Variants in TBX15 observed in about 807,000 individuals in gnomAD.
TBX15 encodes the protein T-box transcription factor TBX15.
A neutral mutation model predicts 53.9 loss-of-function variants in TBX15; 18 were observed. The observed-to-expected ratio is 0.33, with a 90% CI of 0.23 to 0.49. TBX15 has a LOEUF of 0.49. TBX15 is among the 20% of genes least tolerant of loss of function. TBX15 has a pLI of 0.98. For missense variants in TBX15, 692 were observed against 749.5 expected (o/e 0.92, Z 0.90); for synonymous variants, 295 against 278.0 (o/e 1.06, Z -0.61).
intron 3 of TBX15, 151 bp from the exon 4 acceptor site, chr1:118,924,968 G>A (rs1655545958): frequency 1.2e-6 from 1 of 833,328 alleles, no homozygotes; most frequent in Non-Finnish European, 1.9e-6. Flanking sequence ...ACTCAAAGGA[G>A]GAAAAGAGAA....
chr1:118,944,585 CTG>C (rs1656285276), intron 1 of TBX15, among the ~76,000 whole-genome samples: 1 of 152,214 alleles, frequency 6.6e-6, no homozygotes, highest in Non-Finnish European at 1.5e-5. Context: ...TGTTGAGTGT[CTG>C]TTGCCTTCTG....
At chr1:118,932,328 G>A (rs541404194) in intron 1 of TBX15, among the ~76,000 whole-genome samples, 6 of 152,278 alleles carry the variant, frequency 3.9e-5, no homozygotes, top group Non-Finnish European at 8.8e-5. Flanking sequence ...TTTAAACACA[G>A]AAATTTTTCC....
At chr1:118,888,250 C>A (rs1224957893) in intron 7 of TBX15, among the ~76,000 whole-genome samples, 1 of 152,186 alleles carries the variant, frequency 6.6e-6, no homozygotes, top group African/African-American at 2.4e-5. Flanking sequence ...CCTCTTCATT[C>A]TCATTAGCTG....
chr1:118,884,206 ATC>A lies in TBX15; in HGVS notation c.*524_*525del. 6.1e-6 allele frequency: 1 copy of A among 163,932 alleles called. No homozygotes were observed. 10.2% of individuals were successfully genotyped at this position (163,932 alleles called of 1,614,324 possible). A position where few individuals can be genotyped will look rare whatever the true frequency, so the allele number is the denominator to read the frequency against. On this transcript the variant is annotated 3_prime_UTR_variant, in exon 8 of 8. Coordinates refer to ENST00000369429, the MANE Select transcript of TBX15 (RefSeq NM_001330677.2). The stretch of plus-strand genomic sequence containing the variant: ...CTGGCAGCTACTGCTGGCCCACTCC[ATC>A]TAGAGTTGTACACAGACAAATTCTT...
chr1:118,989,044 C>A (rs1282672083), upstream of TBX15, among the ~76,000 whole-genome samples: 1 of 152,218 alleles, frequency 6.6e-6, no homozygotes, highest in Admixed American at 6.5e-5. Context: ...TCCAGCTGGG[C>A]CCCCTCACGC....
At chr1:118,957,048 G>A (rs1656716446) in intron 1 of TBX15, among the ~76,000 whole-genome samples, 1 of 151,992 alleles carries the variant, frequency 6.6e-6, no homozygotes, top group South Asian at 2.1e-4. Flanking sequence ...CAAAGCTGAA[G>A]ATTCCGAATG....
At chr1:118,924,139 G>T (rs1474857812) in intron 4 of TBX15, among the ~76,000 whole-genome samples, 1 of 152,156 alleles carries the variant, frequency 6.6e-6, no homozygotes, top group East Asian at 1.9e-4. Flanking sequence ...CCCAGTATGG[G>T]TCCTGCCATT....
chr1:118,885,461 CG>C lies in TBX15; in HGVS notation c.1079del (p.Ser360TrpfsTer35). 1 of 1,607,918 alleles carries C rather than the reference CG, an allele frequency of 6.2e-7. No individual in the cohort carries two copies. The highest frequency in any genetic ancestry group is 8.5e-7 in the Non-Finnish European group (1 of 1,176,730). On this transcript the variant is annotated frameshift_variant, in exon 8 of 8. Transcript: ENST00000369429. LOFTEE classifies it high-confidence loss of function. Reference sequence around the variant, plus strand: ...ATGGAGATAAAAGATGAGAAGAAGCCGAAGGGGATGGTGTCCCAGTGCTGGA... The same window carrying C: ...ATGGAGATAAAAGATGAGAAGAAGCCAAGGGGATGGTGTCCCAGTGCTGGA... ...TTSSTGTPSPSASSHLLSPSC... is the reference protein window; with the variant it reads ...TTSSTGTPSPXASSHLLSPSC...
At chr1:118,954,989 G>A (rs564222996) in intron 1 of TBX15, among the ~76,000 whole-genome samples, 7 of 152,248 alleles carry the variant, frequency 4.6e-5, no homozygotes, top group African/African-American at 1.4e-4. Context: ...TCAGGCCCAA[G>A]AGTGAGACCC....
At chr1:118,988,707 T>A (rs947296001), upstream of TBX15, among the ~76,000 whole-genome samples, 1 of 152,240 alleles carries the variant, frequency 6.6e-6, no homozygotes, top group African/African-American at 2.4e-5. Context: ...TCTGACAAAA[T>A]GTTAACCTGT....
chr1:118,953,229 A>C (rs1028205352), intron 1 of TBX15, among the ~76,000 whole-genome samples: 1 of 152,236 alleles, frequency 6.6e-6, no homozygotes, highest in Non-Finnish European at 1.5e-5. Context: ...GAGTCACTGG[A>C]ATTTAATTCA....
chr1:118,899,192 A>C, intron 6 of TBX15, 67 bp from the exon 7 acceptor site: 2 of 1,397,258 alleles, frequency 1.4e-6, no homozygotes, highest in Non-Finnish European at 2.0e-6. Flanking sequence ...CTTTTCAGAG[A>C]TCCAGAGGTG....
At chr1:118,938,106 G>A (rs1039772046) in intron 1 of TBX15, among the ~76,000 whole-genome samples, 8 of 152,244 alleles carry the variant, frequency 5.3e-5, no homozygotes, top group South Asian at 4.2e-4. Flanking sequence ...ACCTGAGTAC[G>A]AACTGAGCCC....
chr1:118,887,541 G>C (rs1571144564), intron 7 of TBX15, among the ~76,000 whole-genome samples: 1 of 152,224 alleles, frequency 6.6e-6, no homozygotes, highest in South Asian at 2.1e-4. Context: ...TGAGTGTGGT[G>C]GTGGGCGCCT....
chr1:118,927,559 G>A (rs961285570), intron 2 of TBX15, among the ~76,000 whole-genome samples: 10 of 152,162 alleles, frequency 6.6e-5, no homozygotes, highest in Admixed American at 2.6e-4. Flanking sequence ...GGCTGTCAAC[G>A]TGTGTGTCAG....
chr1:118,986,254 C>T (rs1657832351), intron 1 of TBX15, among the ~76,000 whole-genome samples: 1 of 152,170 alleles, frequency 6.6e-6, no homozygotes, highest in African/African-American at 2.4e-5. Flanking sequence ...GCCCTGGGTG[C>T]CTTTCTGGAA....
intron 1 of TBX15, among the ~76,000 whole-genome samples, chr1:118,959,954 C>T (rs1427150939): frequency 6.6e-6 from 1 of 151,814 alleles, no homozygotes; most frequent in Non-Finnish European, 1.5e-5. Flanking sequence ...ACCATCTTCT[C>T]TGAATCTCTC....
chr1:118,921,120 A>G (rs1655411639), intron 5 of TBX15, among the ~76,000 whole-genome samples: 1 of 151,966 alleles, frequency 6.6e-6, no homozygotes, highest in South Asian at 2.1e-4. Flanking sequence ...CCAGGGCTGC[A>G]GTGAGCCATG....
intron 1 of TBX15, among the ~76,000 whole-genome samples, 185 bp from the exon 2 acceptor site, chr1:118,932,017 T>C (rs1655809354): frequency 6.6e-6 from 1 of 152,178 alleles, no homozygotes; most frequent in African/African-American, 2.4e-5. Flanking sequence ...TTTGTTTTTG[T>C]GATTTATGAC....
Sources: gnomAD v4.1 joint callset for allele counts (sites outside exome capture counted in the v4.1 genomes callset) on GRCh38, gnomAD v4.1.1 for gene constraint, MANE v1.5 for transcripts, NCBI Gene and HGNC (gene_info 2026-07-23, HGNC 2026-07-21) for gene names.